C8orf34: variants seen among roughly 807,000 people sequenced by gnomAD.
C8orf34 encodes chromosome 8 open reading frame 34.
Under a neutral mutation model 68.3 loss-of-function variants are expected in C8orf34, and 65 were observed. The observed-to-expected ratio is 0.95, with a 90% CI of 0.78 to 1.17. The LOEUF is 1.17. C8orf34 is among the 50% of genes most tolerant of loss of function. The pLI is 0.00. For missense variants in C8orf34, 664 were observed against 655.4 expected, an observed-to-expected ratio of 1.01 and a Z score of -0.14; for synonymous variants, 244 against 241.2, an observed-to-expected ratio of 1.01 and a Z score of -0.11.
intron 1 of C8orf34, among the ~76,000 whole-genome samples, chr8:68,379,424 A>G (rs956179140): frequency 8.5e-5 from 13 of 152,242 alleles, no homozygotes; most frequent in African/African-American, 2.7e-4. Flanking sequence ...TCCTACAGGT[A>G]CATTAACCAA....
intron 1 of C8orf34, among the ~76,000 whole-genome samples, chr8:68,399,083 A>C (rs528411681): frequency 6.6e-6 from 1 of 152,292 alleles, no homozygotes; most frequent in Non-Finnish European, 1.5e-5. Context: ...ATTTTTCAGG[A>C]TGAAACTGTA....
chr8:68,795,072 A>G (rs571471497), intron 12 of C8orf34, among the ~76,000 whole-genome samples: 1 of 152,186 alleles, frequency 6.6e-6, no homozygotes, highest in African/African-American at 2.4e-5. Flanking sequence ...TTTTTCCATT[A>G]TGACTGTTAA....
intron 1 of C8orf34, among the ~76,000 whole-genome samples, chr8:68,345,771 A>G (rs1322385824): frequency 6.6e-6 from 1 of 152,030 alleles, no homozygotes; most frequent in Non-Finnish European, 1.5e-5. Context: ...TTTGTGTATT[A>G]TATATATGTG....
chr8:68,395,189 G>C (rs1808643110), intron 1 of C8orf34, among the ~76,000 whole-genome samples: 1 of 151,840 alleles, frequency 6.6e-6, no homozygotes, highest in African/African-American at 2.4e-5. Context: ...GACATGCCTA[G>C]GGATTAATAT....
At chr8:68,802,566 T>C (rs550177170) in intron 12 of C8orf34, among the ~76,000 whole-genome samples, 2 of 152,184 alleles carry the variant, frequency 1.3e-5, no homozygotes, top group South Asian at 4.1e-4. Context: ...TGGTGTGATC[T>C]CAGCTCATTG....
chr8:68,588,589 A>T (rs539289315), intron 7 of C8orf34, among the ~76,000 whole-genome samples: 1 of 152,200 alleles, frequency 6.6e-6, no homozygotes, highest in Non-Finnish European at 1.5e-5. Context: ...CTAGCAACCC[A>T]GTCGAATGAG....
intron 10 of C8orf34, among the ~76,000 whole-genome samples, chr8:68,771,355 C>T (rs918010795): frequency 3.3e-5 from 5 of 152,140 alleles, no homozygotes; most frequent in Admixed American, 2.6e-4. Flanking sequence ...AATGTGGTAA[C>T]TCTGTGTAAT....
In C8orf34 at chr8:68,640,476, C is replaced by G; in HGVS notation, c.1206C>G (p.Ala402=). The change falls in exon 8 of 14, where the codon GCC becomes GCG. Residue 402 remains alanine (A), a synonymous_variant. Coordinates refer to ENST00000518698, the MANE Select transcript of C8orf34 (RefSeq NM_052958.4). ...CTACTTACCCTGCTGAGCCTCAGGCCAAGGTCACACTGAACATCTGTTCAA... is the reference window on the plus strand; with the variant it reads ...CTACTTACCCTGCTGAGCCTCAGGCGAAGGTCACACTGAACATCTGTTCAA... The part of the protein sequence containing the change: ...GRPTYPAEPQ[A]KVTLNICSRC... 1 of 1,613,828 alleles carries G rather than the reference C, an allele frequency of 6.2e-7. No individual in the cohort carries two copies. Among genetic ancestry groups the G allele is most frequent in the Non-Finnish European group, 8.5e-7 (1 of 1,179,864 alleles).
At chr8:68,488,631 T>G (rs1586243603) in intron 5 of C8orf34, among the ~76,000 whole-genome samples, 1 of 152,210 alleles carries the variant, frequency 6.6e-6, no homozygotes, top group East Asian at 1.9e-4. Flanking sequence ...ATTGCTAGGT[T>G]TGGGAGATGA....
At chr8:68,532,601 A>T (rs2380476) in intron 6 of C8orf34, among the ~76,000 whole-genome samples, 31,054 of 152,188 alleles carry the variant, frequency 0.2, 4,233 homozygotes, top group African/African-American at 0.39. Flanking sequence ...ATGTAATATT[A>T]TAAAATATTT....
At position 68,721,391 on chromosome 8, in the gene C8orf34, T is replaced by C. The variant is rs748285257; in HGVS notation, c.1358T>C (p.Met453Thr). The C allele has an allele frequency of 2.5e-6, 4 of 1,609,462 alleles. No homozygotes were observed. Among genetic ancestry groups the C allele is most frequent in the South Asian group, 1.1e-5 (1 of 90,314 alleles). The change falls in exon 10 of 14, where the codon ATG becomes ACG. Residue 453 changes from methionine to threonine, a missense_variant. Coordinates refer to ENST00000518698, the MANE Select transcript of C8orf34 (RefSeq NM_052958.4). ...TTGCCTGGGACTGAAGAAGCACTAA[T>C]GGAGGAGGGTGACGAATTTGAGAAA... is the stretch of plus-strand genomic sequence containing the variant. ...DSLPGTEEAL[M>T]EEGDEFEKAS...
intron 8 of C8orf34, among the ~76,000 whole-genome samples, chr8:68,662,530 G>GT (rs1819712313): frequency 6.6e-6 from 1 of 152,116 alleles, no homozygotes; most frequent in South Asian, 2.1e-4. Context: ...AGATCTGATG[G>GT]TTTTTCCCCT....
At chr8:68,441,504 C>A (rs4737901) in intron 2 of C8orf34, among the ~76,000 whole-genome samples, 7,171 of 152,128 alleles carry the variant, frequency 0.047, 228 homozygotes, top group Admixed American at 0.086. Flanking sequence ...CTTCTTTCTT[C>A]TTCTTTAAAA....
intron 7 of C8orf34, among the ~76,000 whole-genome samples, chr8:68,552,314 T>C (rs1389831159): frequency 6.6e-6 from 1 of 152,202 alleles, no homozygotes; most frequent in East Asian, 1.9e-4. Context: ...ATATTAACTA[T>C]TCTAATTCAT....
intron 10 of C8orf34, among the ~76,000 whole-genome samples, chr8:68,746,243 G>A (rs1023018815): frequency 6.6e-6 from 1 of 151,224 alleles, no homozygotes; most frequent in Non-Finnish European, 1.5e-5. Flanking sequence ...GCAGTGTGTA[G>A]AGGGAAATTT....
intron 7 of C8orf34, among the ~76,000 whole-genome samples, chr8:68,634,932 C>A (rs1389406481): frequency 2.6e-5 from 4 of 152,174 alleles, no homozygotes; most frequent in African/African-American, 7.2e-5. Flanking sequence ...TTTCAGCTTA[C>A]AGCACTCTGA....
chr8:68,345,538 T>C (rs1228563999), intron 1 of C8orf34, among the ~76,000 whole-genome samples: 1 of 151,952 alleles, frequency 6.6e-6, no homozygotes. Flanking sequence ...CAGTTAACTA[T>C]ATAAGCTTAA....
intron 1 of C8orf34, among the ~76,000 whole-genome samples, chr8:68,373,427 T>C (rs985986153): frequency 6.6e-6 from 1 of 152,194 alleles, no homozygotes; most frequent in Non-Finnish European, 1.5e-5. Context: ...AGCATTTTCC[T>C]CTCTTTCTCT....
At chr8:68,781,731 C>T (rs1432093899) in intron 11 of C8orf34, among the ~76,000 whole-genome samples, 1 of 152,096 alleles carries the variant, frequency 6.6e-6, no homozygotes, top group Non-Finnish European at 1.5e-5. Flanking sequence ...CCAGGGAAAA[C>T]CAAAGTAAAA....
Sources: gnomAD v4.1 joint callset for allele counts (sites outside exome capture counted in the v4.1 genomes callset) on GRCh38, gnomAD v4.1.1 for gene constraint, MANE v1.5 for transcripts, NCBI Gene and HGNC (gene_info 2026-07-23, HGNC 2026-07-21) for gene names.